PRKG2: variants seen among roughly 807,000 people sequenced by gnomAD.
PRKG2 encodes the protein cGMP-dependent protein kinase 2.
PRKG2 carries 33 observed loss-of-function variants against 97.2 expected under a neutral mutation model. The observed-to-expected ratio is 0.34, with a 90% CI of 0.26 to 0.45. The LOEUF is 0.45. PRKG2 is among the 20% of genes least tolerant of loss of function. PRKG2 has a pLI of 1.00. For synonymous variants in PRKG2, 330 were observed against 321.8 expected (o/e 1.03, Z -0.27); for missense variants, 638 against 900.0 (o/e 0.71, Z 3.73).
chr4:81,149,043 C>T (rs1748129038), intron 8 of PRKG2, 91 bp from the exon 9 acceptor site: 4 of 1,194,736 alleles, frequency 3.3e-6, no homozygotes, highest in South Asian at 1.2e-5. Context: ...TGTATGAAAA[C>T]ACCACCATCA....
At chr4:81,111,959 A>C (rs1232571827) in intron 14 of PRKG2, among the ~76,000 whole-genome samples, 1 of 152,206 alleles carries the variant, frequency 6.6e-6, no homozygotes, top group African/African-American at 2.4e-5. Flanking sequence ...ATACAGCAAC[A>C]ATCTTGGCTA....
upstream of PRKG2, among the ~76,000 whole-genome samples, chr4:81,215,356 C>T (rs1754231386): frequency 1.3e-5 from 2 of 152,216 alleles, no homozygotes; most frequent in South Asian, 4.1e-4. Flanking sequence ...GCACACTAGC[C>T]CGAACCTTTA....
intron 3 of PRKG2, 53 bp from the exon 4 acceptor site, chr4:81,171,857 G>T: frequency 1.6e-6 from 2 of 1,234,010 alleles, no homozygotes; most frequent in Non-Finnish European, 2.3e-6. Context: ...AATCCGTGTA[G>T]ATACTATAAA....
Position 81,099,557 on chromosome 4 carries a change from G to A in PRKG2, c.2126+4813C>T, listed in dbSNP as rs184604382. Among the ~76,000 whole-genome samples the A allele has an allele frequency of 9.1e-4, 138 of 152,166 alleles. 2 individuals are homozygous for A. In the East Asian group the frequency reaches 0.019, roughly 21 times the overall value. On this transcript the variant is annotated intron_variant, in intron 17 of 18. Coordinates refer to ENST00000264399, the MANE Select transcript of PRKG2 (RefSeq NM_006259.3). ...TCAATAAATGAGGTATTGATGGGAC[G>A]TATCTCAAAATAATAAGAGCTATCT...
intron 15 of PRKG2, among the ~76,000 whole-genome samples, chr4:81,109,502 T>C (rs888512226): frequency 2.8e-4 from 42 of 152,338 alleles, no homozygotes; most frequent in African/African-American, 1.0e-3. Flanking sequence ...CCATGCATTG[T>C]ATCATAAACA....
intron 14 of PRKG2, among the ~76,000 whole-genome samples, chr4:81,134,456 T>C (rs555431730): frequency 5.3e-5 from 8 of 152,308 alleles, no homozygotes; most frequent in Non-Finnish European, 8.8e-5. Context: ...AAAGCTTGGG[T>C]TCCCCATTCT....
chr4:81,167,235 A>T lies in PRKG2; in HGVS notation c.849-11T>A, dbSNP rs773113391. ...TTCAGCAAGGATACACTTCAAAATT[A>T]AAAAGAAACCTTCAATTACCTTCCT... On this transcript the variant is annotated splice_polypyrimidine_tract_variant and intron_variant, in intron 5 of 18. Transcript: ENST00000264399. 9 of 1,547,936 alleles carry T rather than the reference A, an allele frequency of 5.8e-6. No homozygotes were observed. Among genetic ancestry groups the T allele is most frequent in the Non-Finnish European group, 7.9e-6 (9 of 1,137,450 alleles).
intron 17 of PRKG2, among the ~76,000 whole-genome samples, chr4:81,094,199 C>G (rs1741887437): frequency 6.6e-6 from 1 of 152,098 alleles, no homozygotes; most frequent in Non-Finnish European, 1.5e-5. Flanking sequence ...TGTTGGGAGA[C>G]ATGACTGGTG....
At chr4:81,098,289 T>G (rs1406655204) in intron 17 of PRKG2, among the ~76,000 whole-genome samples, 1 of 150,734 alleles carries the variant, frequency 6.6e-6, no homozygotes, top group African/African-American at 2.5e-5. Flanking sequence ...CTCCTCAGCC[T>G]GCAGCCTATT....
At chr4:81,142,653 A>T in intron 11 of PRKG2, 141 bp downstream of exon 11, 1 of 1,094,350 alleles carries the variant, frequency 9.1e-7, no homozygotes, top group Admixed American at 2.4e-5. Flanking sequence ...CAGAGTGAAA[A>T]GTTTACTTTC....
intron 3 of PRKG2, among the ~76,000 whole-genome samples, chr4:81,172,176 A>G (rs1371469228): frequency 3.9e-5 from 6 of 152,088 alleles, no homozygotes; most frequent in Admixed American, 2.6e-4. Flanking sequence ...TATTTTTACA[A>G]TGTTATTTTC....
At position 81,211,697 on chromosome 4, in the gene PRKG2, C is replaced by G. The variant is rs933295742; in HGVS notation, c.-14+3239G>C. On this transcript the variant is annotated intron_variant, in intron 1 of 18. Transcript: ENST00000264399. ...GTTTAAGGATTAAAGCTCAGAGTCCCAACACTATTTAATGACTTGAACTTC... is the reference window on the plus strand; with the variant it reads ...GTTTAAGGATTAAAGCTCAGAGTCCGAACACTATTTAATGACTTGAACTTC... Among the ~76,000 whole-genome samples the G allele has an allele frequency of 1.3e-4, 19 of 151,874 alleles. 1 individual carries two copies. Among genetic ancestry groups the G allele is most frequent in the Admixed American group, 8.5e-4 (13 of 15,240 alleles).
At chr4:81,121,821 C>T (rs1454951041) in intron 14 of PRKG2, among the ~76,000 whole-genome samples, 1 of 152,060 alleles carries the variant, frequency 6.6e-6, no homozygotes, top group African/African-American at 2.4e-5. Flanking sequence ...TGCTAAGCAA[C>T]ATGCTAAGTT....
At chr4:81,161,226 A>G (rs1414987379) in intron 6 of PRKG2, among the ~76,000 whole-genome samples, 1 of 152,188 alleles carries the variant, frequency 6.6e-6, no homozygotes, top group Non-Finnish European at 1.5e-5. Flanking sequence ...CATGGAAGGA[A>G]GCATAATATT....
intron 16 of PRKG2, 50 bp from the exon 17 acceptor site, chr4:81,104,482 A>G (rs1553918180): frequency 1.1e-6 from 1 of 872,354 alleles, no homozygotes; most frequent in South Asian, 3.8e-5. Flanking sequence ...TATTTATAAT[A>G]ATTATAATTC....
intron 11 of PRKG2, among the ~76,000 whole-genome samples, chr4:81,142,072 C>T (rs185874958): frequency 1.6e-4 from 25 of 152,330 alleles, no homozygotes; most frequent in African/African-American, 6.0e-4. Flanking sequence ...TCAGAGCCAT[C>T]TGTACCCAGT....
At chr4:81,170,972 G>A (rs1750419517) in intron 4 of PRKG2, among the ~76,000 whole-genome samples, 1 of 151,878 alleles carries the variant, frequency 6.6e-6, no homozygotes, top group African/African-American at 2.4e-5. Context: ...CATTGTTTTT[G>A]GCAGAACAAA....
At chr4:81,105,564 C>T (rs1033143517) in intron 16 of PRKG2, among the ~76,000 whole-genome samples, 1 of 151,792 alleles carries the variant, frequency 6.6e-6, no homozygotes, top group Non-Finnish European at 1.5e-5. Flanking sequence ...AAGATGATAC[C>T]CAAAGGTTGT....
At chr4:81,135,344 G>C (rs776025611) in intron 13 of PRKG2, 48 bp from the exon 14 acceptor site, 2 of 1,580,276 alleles carry the variant, frequency 1.3e-6, no homozygotes, top group South Asian at 2.3e-5. Flanking sequence ...ACACATCTTT[G>C]GTGCTGTTCT....
Sources: allele counts gnomAD v4.1 joint callset (sites outside exome capture counted in the v4.1 genomes callset), GRCh38; gene constraint gnomAD v4.1.1; transcripts MANE v1.5; gene names NCBI Gene and HGNC (gene_info 2026-07-23, HGNC 2026-07-21).